SHKBP1: variants seen among roughly 807,000 people sequenced by gnomAD.
The protein encoded by SHKBP1 is SH3KBP1-binding protein 1.
Under a neutral mutation model 83.9 loss-of-function variants are expected in SHKBP1, and 71 were observed. The observed-to-expected ratio is 0.85, with a 90% CI of 0.70 to 1.03. SHKBP1 has a LOEUF of 1.03. SHKBP1 is among the 50% of genes least tolerant of loss of function. The probability of loss-of-function intolerance (pLI) is 0.00; values close to 1 mark genes in which losing one functional copy is unlikely to be tolerated. For synonymous variants in SHKBP1, 371 were observed against 398.0 expected (o/e 0.93, Z 0.81); for missense variants, 824 against 982.4 (o/e 0.84, Z 2.16).
chr19:40,586,968 G>T (rs766330809), intron 13 of SHKBP1, 24 bp downstream of exon 13: 1 of 1,570,134 alleles, frequency 6.4e-7, no homozygotes, highest in Non-Finnish European at 8.7e-7. Flanking sequence ...GGGTGCTCCA[G>T]TGCTGGGAGA....
intron 12 of SHKBP1, among the ~76,000 whole-genome samples, chr19:40,585,406 A>G (rs1023084211): frequency 2.0e-5 from 3 of 151,544 alleles, no homozygotes; most frequent in Non-Finnish European, 4.4e-5. Context: ...GTGCTTGGCC[A>G]TAGCTGCTGC....
chr19:40,583,684 A>C lies in SHKBP1; in HGVS notation c.1132A>C (p.Thr378Pro), dbSNP rs2081288773. Residue 378 changes from threonine to proline, a missense_variant, in exon 12 of 18, where the codon ACC (threonine) becomes CCC (proline). By Grantham distance (38) the Thr-to-Pro change is conservative. This residue lies in a region of SHKBP1 where 182 missense variants were observed against 273.1 expected (regional missense o/e 0.67). Transcript: ENST00000291842. Reference protein sequence around the residue: ...LYRDPAEDGVTALSVYLTPKT... With the variant: ...LYRDPAEDGVPALSVYLTPKT... The stretch of plus-strand genomic sequence containing the variant: ...TCGGGACCCAGCGGAGGATGGGGTC[A>C]CCGCCCTCAGTGTCTACCTCACCCC... 1.2e-6 allele frequency: 2 copies of C among 1,613,620 alleles called. No individual in the cohort carries two copies. Among genetic ancestry groups the C allele is most frequent in the Non-Finnish European group, 1.7e-6 (2 of 1,179,912 alleles).
chr19:40,577,018 C>T, intron 1 of SHKBP1, 33 bp downstream of exon 1: 2 of 1,294,614 alleles, frequency 1.5e-6, no homozygotes, highest in Non-Finnish European at 2.1e-6. Context: ...GTCCCATCCT[C>T]GGGGGCGGGA....
At position 40,591,056 on chromosome 19, in the gene SHKBP1, G is replaced by A. The variant is rs116820916; in HGVS notation, c.1973G>A (p.Arg658His). ...PSPPQAEARR[R>H]GGGSFVERCQ... ...CCCCCGCAGGCTGAGGCCCGGCGCC[G>A]TGGTGGGGGCAGCTTTGTGGAACGC... The change falls in exon 18 of 18, where the codon CGT (arginine) becomes CAT (histidine). Residue 658 changes from arginine (R) to histidine (H), a missense_variant. Around this residue, in one of 3 missense-constraint regions of SHKBP1, gnomAD observed 287 missense variants for 322.9 expected, o/e 0.89. Coordinates refer to ENST00000291842, the MANE Select transcript of SHKBP1 (RefSeq NM_138392.4). 7.2e-5 allele frequency: 116 copies of A among 1,612,894 alleles called. No homozygotes were observed. The African/African-American group carries it at 8.5e-4, about 12-fold the overall frequency.
intron 6 of SHKBP1, chr19:40,580,048 A>C (rs984701418): frequency 4.0e-5 from 11 of 275,406 alleles, no homozygotes; most frequent in South Asian, 7.6e-5. Flanking sequence ...AAAAAAAAAA[A>C]AAAAAACGGA....
chr19:40,585,422 C>T (rs1163359206), intron 12 of SHKBP1, among the ~76,000 whole-genome samples: 3 of 151,442 alleles, frequency 2.0e-5, no homozygotes, highest in Non-Finnish European at 4.4e-5. Flanking sequence ...GCTGCTGCTG[C>T]TTTTCTTTTT....
Position 40,576,980 on chromosome 19 carries a change from C to A in SHKBP1, c.81C>A (p.Gly27=). The A allele has an allele frequency of 6.6e-7, 1 of 1,517,394 alleles. No individual in the cohort carries two copies. The highest frequency in any genetic ancestry group is 8.8e-7 in the Non-Finnish European group (1 of 1,134,894). The allele number at this position is 1,517,394 out of a possible 1,614,324, so 94.0% of individuals were successfully genotyped here. ...PGEVIHLNVG[G]KRFSTSRQTL... The stretch of plus-strand genomic sequence containing the variant: ...AAGTCATTCATCTGAATGTGGGAGG[C>A]AAGAGGTGAGTGTGGGAGACTCCTG... Residue 27 remains glycine, a synonymous_variant, in exon 1 of 18, where the codon GGC becomes GGA. Coordinates refer to ENST00000291842, the MANE Select transcript of SHKBP1 (RefSeq NM_138392.4).
intron 12 of SHKBP1, among the ~76,000 whole-genome samples, chr19:40,584,863 T>G (rs940615148): frequency 6.6e-6 from 1 of 152,252 alleles, no homozygotes; most frequent in African/African-American, 2.4e-5. Context: ...CCTATGGATT[T>G]GCCTGTTCTG....
At chr19:40,588,817 C>A (rs945034798) in intron 14 of SHKBP1, 38 bp downstream of exon 14, 1 of 1,605,624 alleles carries the variant, frequency 6.2e-7, no homozygotes, top group Admixed American at 1.7e-5. Flanking sequence ...CCCACTGACC[C>A]CCTTACCTGA....
rs536792469 is a variant in SHKBP1 at position 40,579,175 on chromosome 19, C to T, written c.400+633C>T. 2.6e-5 allele frequency among the ~76,000 whole-genome samples: 4 copies of T among 152,052 alleles called. No homozygotes were observed. The South Asian group carries it at 6.2e-4, about 24-fold the overall frequency. ...TCACCCAGGCTGGAGTGCAGTGGTG[C>T]GATCTTGGCTCACTGCAACCTCTGC... On this transcript the variant is annotated intron_variant, in intron 6 of 17. Coordinates refer to ENST00000291842, the MANE Select transcript of SHKBP1 (RefSeq NM_138392.4).
Position 40,580,605 on chromosome 19 carries a change from G to C in SHKBP1, c.602G>C (p.Gly201Ala), listed in dbSNP as rs1487179509. 2 of 1,614,190 alleles carry C rather than the reference G, an allele frequency of 1.2e-6. No homozygotes were observed. ...EEPGMVRLVC[G>A]HHNWIAVAYT... is the part of the protein sequence containing the mutation. ...CCGGGGATGGTGCGCCTGGTGTGTG[G>C]ACACCATAATTGGATCGCTGTGGCC... The change falls in exon 8 of 18, where the codon GGA becomes GCA. Residue 201 changes from glycine (G) to alanine (A), a missense_variant. By Grantham distance (60) the Gly-to-Ala change is moderately conservative (BLOSUM62 0). Around this residue, in one of 3 missense-constraint regions of SHKBP1, gnomAD observed 355 missense variants for 386.4 expected, o/e 0.92. Transcript: ENST00000291842.
intron 1 of SHKBP1, 29 bp from the exon 2 acceptor site, chr19:40,577,202 T>C (rs2081222415): frequency 6.2e-7 from 1 of 1,612,016 alleles, no homozygotes. Flanking sequence ...CCTCTTCATC[T>C]CTTGCGTCCG....
intron 15 of SHKBP1, among the ~76,000 whole-genome samples, chr19:40,589,792 G>A (rs187466835): frequency 2.0e-5 from 3 of 152,098 alleles, no homozygotes; most frequent in Non-Finnish European, 2.9e-5. Flanking sequence ...GGAAGGACAC[G>A]TGGGCTCCTG....
At chr19:40,579,040 T>C (rs953217332) in intron 6 of SHKBP1, among the ~76,000 whole-genome samples, 2 of 152,182 alleles carry the variant, frequency 1.3e-5, no homozygotes, top group African/African-American at 4.8e-5. Flanking sequence ...TTGCCAGATA[T>C]AAAGATCTGT....
In SHKBP1 at chr19:40,591,213, G is replaced by A. The variant is rs780162492; in HGVS notation, c.*6G>A. ...TCAATGAAACTTCCTTTTGAACAAC[G>A]CAGCTGCCATGATGCCTTGGGATGC... is the stretch of plus-strand genomic sequence containing the variant. On this transcript the variant is annotated 3_prime_UTR_variant, in exon 18 of 18. Coordinates refer to ENST00000291842, the MANE Select transcript of SHKBP1 (RefSeq NM_138392.4). The A allele has an allele frequency of 3.1e-5, 48 of 1,568,076 alleles. No homozygotes were observed. Among genetic ancestry groups the A allele is most frequent in the Middle Eastern group, 1.7e-4 (1 of 5,884 alleles).
At chr19:40,589,604 G>A (rs1190180250) in intron 15 of SHKBP1, among the ~76,000 whole-genome samples, 1 of 151,706 alleles carries the variant, frequency 6.6e-6, no homozygotes, top group African/African-American at 2.4e-5. Context: ...CCAGGGAGCT[G>A]TAGGAGCCTT....
Position 40,580,877 on chromosome 19 carries a change from C to T in SHKBP1, c.785C>T (p.Ala262Val). Residue 262 changes from alanine (A) to valine (V), a missense_variant, in exon 9 of 18, where the codon GCC becomes GTC. Around this residue, in one of 3 missense-constraint regions of SHKBP1, gnomAD observed 355 missense variants for 386.4 expected, o/e 0.92. Coordinates refer to ENST00000291842, the MANE Select transcript of SHKBP1 (RefSeq NM_138392.4). ...GAACATGACAAGATGGTGGCAGCAG[C>T]CACCGGCAGCGAGATCCTGCTATGG... Reference protein sequence around the residue: ...LGEHDKMVAAATGSEILLWAL... With the variant: ...LGEHDKMVAAVTGSEILLWAL... The T allele has an allele frequency of 6.2e-7, 1 of 1,611,460 alleles. No individual in the cohort carries two copies. Among genetic ancestry groups the T allele is most frequent in the Non-Finnish European group, 8.5e-7 (1 of 1,178,716 alleles).
chr19:40,588,935 AC>A, intron 14 of SHKBP1, 146 bp from the exon 15 acceptor site: 13 of 1,248,290 alleles, frequency 1.0e-5, no homozygotes, highest in South Asian at 1.4e-5. Context: ...GACTGCCACA[AC>A]CCCCCAGCCC....
chr19:40,580,841 G>C lies in SHKBP1; in HGVS notation c.749G>C (p.Gly250Ala). 1.2e-6 allele frequency: 2 copies of C among 1,613,542 alleles called. No individual in the cohort carries two copies. Among genetic ancestry groups the C allele is most frequent in the Non-Finnish European group, 1.7e-6 (2 of 1,179,746 alleles). ...GCGCTCACAGCCCGGGTGCATGGTG[G>C]GGCTTTGGGTGAACATGACAAGATG... ...RLALTARVHGGALGEHDKMVA... is the reference protein window; with the variant it reads ...RLALTARVHGAALGEHDKMVA... The change falls in exon 9 of 18, where the codon GGG (glycine) becomes GCG (alanine). Residue 250 changes from glycine (G) to alanine (A), a missense_variant. Coordinates refer to ENST00000291842, the MANE Select transcript of SHKBP1 (RefSeq NM_138392.4).
Sources: gnomAD v4.1 joint callset for allele counts (sites outside exome capture counted in the v4.1 genomes callset) on GRCh38, gnomAD v4.1.1 for gene constraint, gnomAD v4.1.1 regional missense constraint, MANE v1.5 for transcripts, NCBI Gene and HGNC (gene_info 2026-07-23, HGNC 2026-07-21) for gene names.